NRXN3: variants seen among roughly 807,000 people sequenced by gnomAD.
NRXN3 encodes the protein neurexin 3, also known as neurexin III.
Under a neutral mutation model 137.6 loss-of-function variants are expected in NRXN3, and 32 were observed. That is an observed-to-expected ratio of 0.23 (90% CI 0.18 to 0.31). The LOEUF (loss-of-function observed/expected upper bound fraction) is 0.31, where lower values mean the gene tolerates loss of function less well. Among genes scored for constraint, NRXN3 ranks in the 10% least tolerant of loss-of-function variants. The pLI is 1.00. For missense variants in NRXN3, 1,574 were observed against 2,062.5 expected (o/e 0.76, Z 4.59); for synonymous variants, 798 against 784.5 (o/e 1.02, Z -0.29).
At chr14:79,132,224 A>T (rs1007974014) in intron 15 of NRXN3, among the ~76,000 whole-genome samples, 1 of 152,252 alleles carries the variant, frequency 6.6e-6, no homozygotes, top group Non-Finnish European at 1.5e-5. Flanking sequence ...AACTTTAAAA[A>T]TTGATATTCA....
chr14:78,470,603 A>G (rs2095243478), intron 4 of NRXN3, among the ~76,000 whole-genome samples: 2 of 152,110 alleles, frequency 1.3e-5, no homozygotes, highest in African/African-American at 4.8e-5. Flanking sequence ...TATTGTGTTC[A>G]TCTGACATTA....
chr14:78,603,646 T>G (rs888742319), intron 4 of NRXN3, among the ~76,000 whole-genome samples: 1 of 152,358 alleles, frequency 6.6e-6, no homozygotes, highest in Admixed American at 6.5e-5. Flanking sequence ...GCCTTACACA[T>G]GTTCATTTTA....
chr14:79,473,336 G>A (rs1403246606), intron 16 of NRXN3, among the ~76,000 whole-genome samples: 2 of 152,042 alleles, frequency 1.3e-5, no homozygotes. Flanking sequence ...AGCACCCAAC[G>A]AGAGTCCTGT....
chr14:78,389,380 C>T (rs943681829), intron 4 of NRXN3, among the ~76,000 whole-genome samples: 15 of 152,124 alleles, frequency 9.9e-5, no homozygotes, highest in African/African-American at 3.6e-4. Flanking sequence ...TATACTGAAA[C>T]ATTGCCTTCC....
At chr14:79,171,655 G>A (rs896921481) in intron 15 of NRXN3, among the ~76,000 whole-genome samples, 1 of 152,062 alleles carries the variant, frequency 6.6e-6, no homozygotes, top group Non-Finnish European at 1.5e-5. Flanking sequence ...CATAAGAGTG[G>A]ATATAGTATT....
chr14:78,690,505 T>C (rs2098162181), intron 6 of NRXN3, among the ~76,000 whole-genome samples: 1 of 152,198 alleles, frequency 6.6e-6, no homozygotes, highest in African/African-American at 2.4e-5. Flanking sequence ...TTCTACTAAA[T>C]TGTAAGCTCC....
intron 2 of NRXN3, among the ~76,000 whole-genome samples, chr14:78,250,600 C>T (rs918707392): frequency 1.3e-5 from 2 of 152,192 alleles, no homozygotes; most frequent in Non-Finnish European, 2.9e-5. Flanking sequence ...TGCCGGCAAA[C>T]GTGTGGTGTT....
rs764830545 is a variant in NRXN3, at chr14:78,908,730, AG to A, written c.2276-48511del. Among the ~76,000 whole-genome samples the A allele has an allele frequency of 8.5e-5, 13 of 152,200 alleles. No individual in the cohort carries two copies. In the East Asian group the frequency reaches 2.1e-3, roughly 25 times the overall value. ...TTGGTTTGAATAGAGGCCCTATCAG[AG>A]CAACATGAATTCTATTAAAATTGCA... On this transcript the variant is annotated intron_variant, in intron 10 of 20. Transcript: ENST00000335750.
At chr14:78,914,826 G>A (rs1029877770) in intron 10 of NRXN3, among the ~76,000 whole-genome samples, 4 of 152,026 alleles carry the variant, frequency 2.6e-5, no homozygotes, top group Non-Finnish European at 5.9e-5. Context: ...GCTACTGTGT[G>A]GAAAATGGAA....
intron 11 of NRXN3, among the ~76,000 whole-genome samples, chr14:78,957,845 T>C (rs573209605): frequency 6.6e-6 from 1 of 152,206 alleles, no homozygotes; most frequent in Non-Finnish European, 1.5e-5. Flanking sequence ...GTTTAATTAA[T>C]TACTTATTTA....
At chr14:79,210,672 C>G (rs889663981) in intron 15 of NRXN3, among the ~76,000 whole-genome samples, 9 of 152,124 alleles carry the variant, frequency 5.9e-5, no homozygotes, top group Non-Finnish European at 1.2e-4. Context: ...TATAGAATTC[C>G]TTGGTTTTAA....
intron 14 of NRXN3, among the ~76,000 whole-genome samples, chr14:78,978,619 T>C (rs1201894964): frequency 6.6e-6 from 1 of 151,178 alleles, no homozygotes; most frequent in South Asian, 2.1e-4. Flanking sequence ...GCTAAGTAAA[T>C]AGGCTATCCT....
intron 20 of NRXN3, among the ~76,000 whole-genome samples, chr14:79,856,626 T>C (rs2099403222): frequency 1.3e-5 from 2 of 151,510 alleles, no homozygotes; most frequent in Non-Finnish European, 1.5e-5. Context: ...TTCTTTTTTT[T>C]TTTTTTTCCA....
At chr14:79,841,161 T>C (rs1251202663) in intron 20 of NRXN3, among the ~76,000 whole-genome samples, 1 of 152,116 alleles carries the variant, frequency 6.6e-6, no homozygotes, top group Non-Finnish European at 1.5e-5. Flanking sequence ...AGTGCTGGAG[T>C]CTTGGGCAAA....
At chr14:79,447,680 T>C (rs1456685776) in intron 15 of NRXN3, among the ~76,000 whole-genome samples, 2 of 152,224 alleles carry the variant, frequency 1.3e-5, no homozygotes, top group African/African-American at 4.8e-5. Flanking sequence ...GGAGATTTCA[T>C]TCTGTCATTG....
intron 17 of NRXN3, among the ~76,000 whole-genome samples, chr14:79,682,555 G>T (rs2098675840): frequency 6.6e-6 from 1 of 152,124 alleles, no homozygotes; most frequent in South Asian, 2.1e-4. Context: ...ATTCTATGCA[G>T]CCAAACAAAT....
At chr14:79,440,977 A>G (rs1600327196) in intron 15 of NRXN3, among the ~76,000 whole-genome samples, 1 of 152,204 alleles carries the variant, frequency 6.6e-6, no homozygotes, top group African/African-American at 2.4e-5. Flanking sequence ...AAGTCGCATA[A>G]GAAAATGAAT....
At chr14:79,676,664 T>C (rs1016753786) in intron 17 of NRXN3, among the ~76,000 whole-genome samples, 13 of 151,974 alleles carry the variant, frequency 8.6e-5, no homozygotes, top group African/African-American at 3.1e-4. Flanking sequence ...TTGACTACAG[T>C]CATTTCAGTG....
At chr14:79,233,290 CAT>C (rs1249433213) in intron 15 of NRXN3, among the ~76,000 whole-genome samples, 2 of 152,140 alleles carry the variant, frequency 1.3e-5, no homozygotes, top group Non-Finnish European at 2.9e-5. Flanking sequence ...CTTCAACAAA[CAT>C]GTGGTGGGAG....
Sources: gnomAD v4.1 joint callset for allele counts (sites outside exome capture counted in the v4.1 genomes callset) on GRCh38, gnomAD v4.1.1 for gene constraint, MANE v1.5 for transcripts, NCBI Gene and HGNC (gene_info 2026-07-23, HGNC 2026-07-21) for gene names.